The following DLGAP2 variants were observed in gnomAD, a reference collection of about 807,000 sequenced individuals.
DLGAP2 encodes disks large-associated protein 2.
DLGAP2 carries 26 observed loss-of-function variants against 100.3 expected under a neutral mutation model. The observed-to-expected ratio is 0.26, with a 90% CI of 0.19 to 0.36. DLGAP2 has a LOEUF of 0.36. Among genes scored for constraint, DLGAP2 ranks in the 10% least tolerant of loss-of-function variants. DLGAP2 has a pLI of 1.00. For missense variants in DLGAP2, 1,858 were observed against 1,453.2 expected (o/e 1.28, Z -4.53); for synonymous variants, 886 against 630.1 (o/e 1.41, Z -6.08).
intron 3 of DLGAP2, among the ~76,000 whole-genome samples, chr8:1,267,926 G>A (rs1011688912): frequency 6.6e-6 from 1 of 152,104 alleles, no homozygotes; most frequent in African/African-American, 2.4e-5. Flanking sequence ...CATAAAGCTG[G>A]CTTCATGGAT....
chr8:1,021,911 C>A (rs909672693), intron 2 of DLGAP2, among the ~76,000 whole-genome samples: 3 of 152,180 alleles, frequency 2.0e-5, no homozygotes, highest in Admixed American at 6.5e-5. Context: ...CTCCACCCCC[C>A]ACTTCCTGGG....
chr8:1,269,262 G>C (rs1585209655), intron 3 of DLGAP2, among the ~76,000 whole-genome samples: 1 of 152,146 alleles, frequency 6.6e-6, no homozygotes, highest in Non-Finnish European at 1.5e-5. Context: ...ACCATGCTGG[G>C]TGCCGGGAGG....
intron 2 of DLGAP2, among the ~76,000 whole-genome samples, chr8:1,190,810 C>T (rs1304232904): frequency 1.3e-5 from 2 of 151,928 alleles, no homozygotes; most frequent in Non-Finnish European, 2.9e-5. Flanking sequence ...GGCGTGGGGT[C>T]TGTAGGGGGC....
intron 2 of DLGAP2, among the ~76,000 whole-genome samples, chr8:996,548 C>T (rs1162226565): frequency 6.6e-6 from 1 of 152,164 alleles, no homozygotes; most frequent in Non-Finnish European, 1.5e-5. Context: ...AAAGTCCTTC[C>T]GTGAGTGAGG....
intron 2 of DLGAP2, among the ~76,000 whole-genome samples, chr8:1,138,712 C>G (rs1443372784): frequency 6.6e-6 from 1 of 152,254 alleles, no homozygotes; most frequent in Non-Finnish European, 1.5e-5. Context: ...GCAGCGGTGC[C>G]TTCTCTTCCT....
chr8:1,438,371 T>C (rs960068018), intron 3 of DLGAP2, among the ~76,000 whole-genome samples: 2 of 152,126 alleles, frequency 1.3e-5, no homozygotes, highest in African/African-American at 4.8e-5. Context: ...TTAAATCTCA[T>C]CAGATTCGCT....
intron 2 of DLGAP2, among the ~76,000 whole-genome samples, chr8:973,789 G>C (rs149465901): frequency 0.016 from 2,373 of 151,920 alleles, 75 homozygotes; most frequent in African/African-American, 0.054. Context: ...GGCGAATCCG[G>C]AGCGCGAATC....
intron 3 of DLGAP2, among the ~76,000 whole-genome samples, chr8:1,424,453 A>G (rs1030892761): frequency 2.0e-5 from 3 of 152,232 alleles, no homozygotes; most frequent in African/African-American, 7.2e-5. Flanking sequence ...AAAATGTTCA[A>G]TTGTGTATAG....
rs1799489980 is a variant in DLGAP2 at position 1,267,615 on chromosome 8, A to AAAT, written c.106+8732_106+8733insAAT. ...AGATAAGATAAGATAAGATAAGATA[A>AAAT]GATAAGATAAATATTAAATAGGTCT... On this transcript the variant is annotated intron_variant, in intron 3 of 14. Coordinates refer to ENST00000637795, the MANE Select transcript of DLGAP2 (RefSeq NM_001346810.2). Among the ~76,000 whole-genome samples the AAAT allele has an allele frequency of 9.1e-5, 11 of 121,184 alleles. 1 individual carries two copies. Among genetic ancestry groups the AAAT allele is most frequent in the African/African-American group, 4.2e-4 (11 of 26,108 alleles). The allele number at this position is 121,184 out of a possible 152,430, so 79.5% of individuals were successfully genotyped here. A position where few individuals can be genotyped will look rare whatever the true frequency, so the allele number is the denominator to read the frequency against.
At chr8:1,149,851 AT>A (rs1796668352) in intron 2 of DLGAP2, among the ~76,000 whole-genome samples, 1 of 152,166 alleles carries the variant, frequency 6.6e-6, no homozygotes, top group African/African-American at 2.4e-5. Context: ...CACCACAGTC[AT>A]CTCTAGGTTA....
intron 2 of DLGAP2, among the ~76,000 whole-genome samples, chr8:1,039,754 A>G (rs79213153): frequency 5.1e-4 from 41 of 80,904 alleles, no homozygotes; most frequent in Non-Finnish European, 5.7e-4. Context: ...CGGTTTCTGT[A>G]GTCGGCTCGG....
intron 2 of DLGAP2, among the ~76,000 whole-genome samples, chr8:1,007,948 G>A (rs1169506459): frequency 6.6e-6 from 1 of 152,170 alleles, no homozygotes; most frequent in Non-Finnish European, 1.5e-5. Flanking sequence ...CCGTCTCGCT[G>A]GTGACAGGAC....
chr8:1,678,565 G>A lies in DLGAP2; in HGVS notation c.2640G>A (p.Lys880=). ...WFLKLLHAET[K]RMEGWCKEME... ...TGAAGCTGCTGCACGCAGAGACAAA[G>A]AGGATGGAAGGCTGGTGCAAAGAGA... Residue 880 remains lysine (K), a synonymous_variant, in exon 12 of 15, where the codon AAG becomes AAA. Coordinates refer to ENST00000637795, the MANE Select transcript of DLGAP2 (RefSeq NM_001346810.2). 2.5e-6 allele frequency: 4 copies of A among 1,585,528 alleles called. No individual in the cohort carries two copies. The highest frequency in any genetic ancestry group is 3.4e-6 in the Non-Finnish European group (4 of 1,166,236).
chr8:779,609 A>G (rs1188412347), intron 1 of DLGAP2, among the ~76,000 whole-genome samples: 1 of 151,956 alleles, frequency 6.6e-6, no homozygotes, highest in African/African-American at 2.4e-5. Flanking sequence ...GATTACAGGC[A>G]TAAGCCACCA....
chr8:806,117 A>G (rs1796263856), intron 1 of DLGAP2, among the ~76,000 whole-genome samples: 1 of 152,244 alleles, frequency 6.6e-6, no homozygotes, highest in Admixed American at 6.5e-5. Flanking sequence ...AGACTCAAAG[A>G]AGATGCCAGG....
chr8:1,415,141 C>T (rs765734848), intron 3 of DLGAP2, among the ~76,000 whole-genome samples: 1 of 152,208 alleles, frequency 6.6e-6, no homozygotes, highest in Non-Finnish European at 1.5e-5. Context: ...CAGGTACACA[C>T]ATGCGTACAA....
intron 6 of DLGAP2, among the ~76,000 whole-genome samples, chr8:1,597,200 C>T (rs1299123103): frequency 6.6e-6 from 1 of 152,040 alleles, no homozygotes; most frequent in East Asian, 1.9e-4. Context: ...TTTCTGATGC[C>T]TCTGTTCTGT....
At chr8:1,272,058 C>A (rs760884940) in intron 3 of DLGAP2, among the ~76,000 whole-genome samples, 1 of 152,128 alleles carries the variant, frequency 6.6e-6, no homozygotes, top group African/African-American at 2.4e-5. Context: ...TCAGGTGATC[C>A]GCCTGCCTCA....
intron 3 of DLGAP2, among the ~76,000 whole-genome samples, chr8:1,474,101 T>A (rs917748050): frequency 6.6e-6 from 1 of 152,194 alleles, no homozygotes; most frequent in Non-Finnish European, 1.5e-5. Flanking sequence ...CCTCATCGTT[T>A]AGCTCCCTCT....
Sources: gnomAD v4.1 joint callset for allele counts (sites outside exome capture counted in the v4.1 genomes callset) on GRCh38, gnomAD v4.1.1 for gene constraint, MANE v1.5 for transcripts, NCBI Gene and HGNC (gene_info 2026-07-23, HGNC 2026-07-21) for gene names.